Variants in TRMT10A observed in about 807,000 individuals in gnomAD.
TRMT10A encodes the protein tRNA methyltransferase 10 homolog A.
In TRMT10A, 37 loss-of-function variants were observed where a neutral mutation model predicts 40.4. That is an observed-to-expected ratio of 0.92 (90% CI 0.71 to 1.21). TRMT10A has a LOEUF of 1.21. TRMT10A is among the 50% of genes most tolerant of loss of function. The probability of loss-of-function intolerance (pLI) is 0.00; values close to 1 mark genes in which losing one functional copy is unlikely to be tolerated. For missense variants in TRMT10A, 388 were observed against 404.3 expected, an observed-to-expected ratio of 0.96 and a Z score of 0.35; for synonymous variants, 103 against 134.1, an observed-to-expected ratio of 0.77 and a Z score of 1.60.
intron 3 of TRMT10A, chr4:99,557,714 C>T (rs1246998036): frequency 5.0e-6 from 2 of 397,080 alleles, no homozygotes; most frequent in Non-Finnish European, 9.0e-6. Context: ...CATACTATTA[C>T]TATTTTCATG....
chr4:99,549,124 A>AT lies in TRMT10A; in HGVS notation c.983dup (p.Asn328LysfsTer4). ...GAGAGTTCACTGTAGATTCAGTGTG[A>AT]TTTTCCTTATCCTGCTTTTCTTCAT... On this transcript the variant is annotated frameshift_variant, in exon 8 of 8. Transcript: ENST00000394876. LOFTEE classifies it low-confidence loss of function (END_TRUNC). 1 of 1,614,042 alleles carries AT rather than the reference A, an allele frequency of 6.2e-7. No individual in the cohort carries two copies. Among genetic ancestry groups the AT allele is most frequent in the African/African-American group, 1.3e-5 (1 of 75,028 alleles).
At chr4:99,550,596 T>A (rs776224743) in intron 7 of TRMT10A, among the ~76,000 whole-genome samples, 14 of 152,150 alleles carry the variant, frequency 9.2e-5, no homozygotes, top group Non-Finnish European at 5.9e-5. Context: ...AATCCAATTA[T>A]GTAATAAATA....
chr4:99,551,123 G>T, intron 6 of TRMT10A, 133 bp from the exon 7 acceptor site: 1 of 613,314 alleles, frequency 1.6e-6, no homozygotes, highest in Non-Finnish European at 2.7e-6. Flanking sequence ...TGAATGGGGG[G>T]TATGTGTGTG....
chr4:99,551,045 G>A, intron 6 of TRMT10A, 55 bp from the exon 7 acceptor site: 1 of 1,233,338 alleles, frequency 8.1e-7, no homozygotes, highest in South Asian at 1.4e-5. Flanking sequence ...TAAAGTTTCT[G>A]TAATAGTATA....
intron 3 of TRMT10A, 141 bp from the exon 4 acceptor site, chr4:99,557,557 T>C (rs953892398): frequency 5.3e-5 from 34 of 637,796 alleles, no homozygotes; most frequent in Middle Eastern, 4.2e-4. Context: ...TTCTGATAAA[T>C]GTTATTTGAT....
At chr4:99,561,375 T>C (rs1332352318) in intron 1 of TRMT10A, among the ~76,000 whole-genome samples, 1 of 152,126 alleles carries the variant, frequency 6.6e-6, no homozygotes, top group African/African-American at 2.4e-5. Context: ...ATATGACCTG[T>C]CATAGTACAT....
At chr4:99,560,049 G>T (rs1470875503) in intron 1 of TRMT10A, among the ~76,000 whole-genome samples, 5 of 151,908 alleles carry the variant, frequency 3.3e-5, no homozygotes, top group Non-Finnish European at 7.4e-5. Context: ...TTTAAAAAGA[G>T]ATGAAAAGCA....
Position 99,550,941 on chromosome 4 carries a change from A to T in TRMT10A, c.695T>A (p.Leu232His). 2 of 1,613,252 alleles carry T rather than the reference A, an allele frequency of 1.2e-6. No homozygotes were observed. Among genetic ancestry groups the T allele is most frequent in the Non-Finnish European group, 1.7e-6 (2 of 1,179,588 alleles). Reference protein sequence around the residue: ...ASDYGINHAQLPLGNFVKMNS... With the variant: ...ASDYGINHAQHPLGNFVKMNS... ...CATCTTCACAAAATTTCCAAGTGGG[A>T]GCTGTGCATGATTGATTCCATAATC... Residue 232 changes from leucine to histidine, a missense_variant, in exon 7 of 8, where the codon CTC (leucine) becomes CAC (histidine). Physicochemically the swap from Leu to His is moderately conservative, Grantham distance 99 (BLOSUM62 -3). Transcript: ENST00000394876.
chr4:99,552,811 C>T (rs1271632218), intron 6 of TRMT10A, among the ~76,000 whole-genome samples: 1 of 151,548 alleles, frequency 6.6e-6, no homozygotes, highest in African/African-American at 2.4e-5. Flanking sequence ...TATGTCCAAC[C>T]AGAACTGAAA....
chr4:99,563,696 T>C, intron 1 of TRMT10A: 2 of 367,954 alleles, frequency 5.4e-6, no homozygotes, highest in South Asian at 4.1e-5. Context: ...TTAAGCTGTC[T>C]CTGGCGAACC....
intron 3 of TRMT10A, 63 bp from the exon 4 acceptor site, chr4:99,557,479 T>C: frequency 1.4e-6 from 2 of 1,444,362 alleles, no homozygotes; most frequent in South Asian, 2.3e-5. Flanking sequence ...TTCTATGATC[T>C]TAAAGGAATG....
intron 1 of TRMT10A, chr4:99,563,681 C>T: frequency 6.0e-6 from 2 of 332,312 alleles, no homozygotes; most frequent in Non-Finnish European, 1.2e-5. Context: ...ATTTCAGAGA[C>T]GGGATTAAGC....
chr4:99,563,719 G>C (rs1724562875), intron 1 of TRMT10A, 194 bp downstream of exon 1: 2 of 386,368 alleles, frequency 5.2e-6, no homozygotes, highest in African/African-American at 2.1e-5. Flanking sequence ...GGAGCAGCTG[G>C]GTAGGCCGCG....
intron 4 of TRMT10A, 36 bp downstream of exon 4, chr4:99,557,309 G>T (rs1382141118): frequency 3.8e-6 from 6 of 1,581,532 alleles, no homozygotes. Context: ...AGACATAAAA[G>T]AAAACTAGAG....
chr4:99,553,956 G>A, intron 5 of TRMT10A, 22 bp from the exon 6 acceptor site: 2 of 1,603,940 alleles, frequency 1.2e-6, no homozygotes, highest in Non-Finnish European at 1.7e-6. Flanking sequence ...CAGGGAAAGA[G>A]GTTACTAATT....
intron 1 of TRMT10A, among the ~76,000 whole-genome samples, chr4:99,561,999 C>T (rs1053648411): frequency 1.3e-5 from 2 of 151,810 alleles, no homozygotes; most frequent in African/African-American, 4.8e-5. Flanking sequence ...GGCGATACCT[C>T]GTCTCTACTA....
At chr4:99,556,770 T>C (rs1202779269) in intron 4 of TRMT10A, among the ~76,000 whole-genome samples, 1 of 152,200 alleles carries the variant, frequency 6.6e-6, no homozygotes, top group East Asian at 1.9e-4. Context: ...ATATTAATAG[T>C]TCCTGGTTCT....
chr4:99,562,336 T>C (rs1017431148), intron 1 of TRMT10A, among the ~76,000 whole-genome samples: 1 of 150,860 alleles, frequency 6.6e-6, no homozygotes, highest in Admixed American at 6.6e-5. Context: ...GGACACATCC[T>C]ACATCAATGA....
chr4:99,554,022 T>C (rs4699754), intron 5 of TRMT10A, 88 bp from the exon 6 acceptor site: 201,726 of 1,357,608 alleles, frequency 0.15, 18,434 homozygotes, highest in East Asian at 0.46. Flanking sequence ...CCAAAACAAA[T>C]CCATTCAAAA....
Sources: allele counts gnomAD v4.1 joint callset (sites outside exome capture counted in the v4.1 genomes callset), GRCh38; gene constraint gnomAD v4.1.1; transcripts MANE v1.5; gene names NCBI Gene and HGNC (gene_info 2026-07-23, HGNC 2026-07-21).